The following NRCAM variants were observed in gnomAD, a reference collection of about 807,000 sequenced individuals.
NRCAM encodes neuronal cell adhesion molecule, also known as NgCAM-related cell adhesion molecule.
A neutral mutation model predicts 156.5 loss-of-function variants in NRCAM; 83 were observed. The ratio of observed to expected loss-of-function variants is 0.53; its 90% CI spans 0.44 to 0.64. NRCAM has a LOEUF of 0.64. Among genes scored for constraint, NRCAM ranks in the 30% least tolerant of loss-of-function variants. The pLI is 0.00. For missense variants in NRCAM, 1,417 were observed against 1,597.3 expected (o/e 0.89, Z 1.92); for synonymous variants, 538 against 563.9 (o/e 0.95, Z 0.65).
At chr7:108,279,349 C>T (rs1275507994) in intron 3 of NRCAM, among the ~76,000 whole-genome samples, 1 of 152,090 alleles carries the variant, frequency 6.6e-6, no homozygotes, top group African/African-American at 2.4e-5. Context: ...TTTTGTGTTT[C>T]ATAATTGTTG....
intron 3 of NRCAM, among the ~76,000 whole-genome samples, chr7:108,241,373 C>T (rs1317628268): frequency 6.6e-6 from 1 of 152,138 alleles, no homozygotes; most frequent in Non-Finnish European, 1.5e-5. Flanking sequence ...CCACAGTAAA[C>T]TCCTACCTGA....
Position 108,168,291 on chromosome 7 carries a change from T to C in NRCAM, c.3299A>G (p.Tyr1100Cys), listed in dbSNP as rs2056144374. The C allele has an allele frequency of 6.3e-7, 1 of 1,586,966 alleles. No homozygotes were observed. Among genetic ancestry groups the C allele is most frequent in the Admixed American group, 1.8e-5 (1 of 55,516 alleles). ...GPEHVNFYVE[Y>C]GVAGSKEEWR... ...TTGTTTCTTACTGCCTGCTACACCA[T>C]ATTCAACATAAAAGTTCACATGCTC... The change falls in exon 29 of 33, where the codon TAT becomes TGT. Residue 1100 changes from tyrosine (Y) to cysteine (C), a missense_variant. By Grantham distance (194) the Tyr-to-Cys change is radical (BLOSUM62 -2). Around this residue, in one of 2 missense-constraint regions of NRCAM, gnomAD observed 179 missense variants for 260.9 expected, o/e 0.69. Transcript: ENST00000379028.
At chr7:108,177,411 C>T (rs1345268948) in intron 26 of NRCAM, among the ~76,000 whole-genome samples, 1 of 152,034 alleles carries the variant, frequency 6.6e-6, no homozygotes, top group Non-Finnish European at 1.5e-5. Flanking sequence ...ATCACGAGGT[C>T]AGGAGATCAA....
At chr7:108,343,026 C>T (rs1184835869) in intron 2 of NRCAM, among the ~76,000 whole-genome samples, 6 of 152,210 alleles carry the variant, frequency 3.9e-5, no homozygotes, top group Middle Eastern at 3.2e-3. Context: ...TTCAAACCTA[C>T]GCCACTCAAG....
intron 5 of NRCAM, among the ~76,000 whole-genome samples, chr7:108,235,551 G>A (rs979297960): frequency 2.0e-5 from 3 of 152,142 alleles, no homozygotes; most frequent in African/African-American, 7.2e-5. Flanking sequence ...GACTAGGAAG[G>A]CACAAAGCAG....
chr7:108,413,434 A>C (rs1797822086), intron 1 of NRCAM, among the ~76,000 whole-genome samples: 1 of 152,114 alleles, frequency 6.6e-6, no homozygotes. Flanking sequence ...TTAACCATTT[A>C]TCAAATGTAT....
chr7:108,197,729 T>C (rs778765746), intron 14 of NRCAM, among the ~76,000 whole-genome samples: 1 of 152,192 alleles, frequency 6.6e-6, no homozygotes, highest in African/African-American at 2.4e-5. Flanking sequence ...AACAGCTTAT[T>C]TGACTAGTTC....
chr7:108,296,727 C>T (rs2154136235), intron 3 of NRCAM, among the ~76,000 whole-genome samples: 1 of 152,008 alleles, frequency 6.6e-6, no homozygotes, highest in South Asian at 2.1e-4. Flanking sequence ...AAACACAGAC[C>T]CTGTAATTAG....
intron 2 of NRCAM, among the ~76,000 whole-genome samples, chr7:108,374,097 G>C (rs771504971): frequency 2.8e-4 from 42 of 152,180 alleles, no homozygotes; most frequent in Non-Finnish European, 5.0e-4. Flanking sequence ...TAGAGAAAAG[G>C]GAAGCCTCCT....
intron 1 of NRCAM, among the ~76,000 whole-genome samples, chr7:108,453,582 C>G (rs192263251): frequency 6.6e-6 from 1 of 152,266 alleles, no homozygotes; most frequent in East Asian, 1.9e-4. Context: ...TTTTGAAACT[C>G]GAAGGATTAG....
At chr7:108,206,420 C>T (rs1341893409) in intron 13 of NRCAM, among the ~76,000 whole-genome samples, 1 of 152,168 alleles carries the variant, frequency 6.6e-6, no homozygotes, top group African/African-American at 2.4e-5. Context: ...AGCCTGAGGG[C>T]TATCTTTATT....
intron 3 of NRCAM, among the ~76,000 whole-genome samples, chr7:108,288,097 T>C (rs574266654): frequency 7.2e-5 from 11 of 152,222 alleles, no homozygotes; most frequent in African/African-American, 2.6e-4. Flanking sequence ...GCAGAATGGA[T>C]TGAACTAGAG....
In NRCAM at chr7:108,195,859, T is replaced by C; in HGVS notation, c.1365A>G (p.Arg455=). 2 of 1,607,860 alleles carry C rather than the reference T, an allele frequency of 1.2e-6. No individual in the cohort carries two copies. Among genetic ancestry groups the C allele is most frequent in the Non-Finnish European group, 1.7e-6 (2 of 1,174,512 alleles). ...AGAGTGTGTTTGCAGGTGTGAGGAT[T>C]CGTGGTGGCTCAGCTACAAATATTT... is the stretch of plus-strand genomic sequence containing the variant. ...AFVNVLAEPP[R]ILTPANTLYQ... is the part of the protein sequence containing the mutation. The change falls in exon 15 of 33, where the codon CGA becomes CGG. Residue 455 remains arginine, a synonymous_variant. Coordinates refer to ENST00000379028, the MANE Select transcript of NRCAM (RefSeq NM_001037132.4).
chr7:108,388,836 T>C (rs1173848414), intron 2 of NRCAM, among the ~76,000 whole-genome samples: 2 of 152,204 alleles, frequency 1.3e-5, no homozygotes, highest in African/African-American at 2.4e-5. Context: ...CCATTGCTTG[T>C]TTTTGTCAGG....
chr7:108,191,218 A>C, intron 19 of NRCAM, 36 bp downstream of exon 19: 2 of 1,562,722 alleles, frequency 1.3e-6, no homozygotes, highest in Non-Finnish European at 8.7e-7. Context: ...AAATTGTTTG[A>C]CAGAAAACAG....
At chr7:108,261,294 T>C (rs1167250128) in intron 3 of NRCAM, among the ~76,000 whole-genome samples, 1 of 152,182 alleles carries the variant, frequency 6.6e-6, no homozygotes, top group Non-Finnish European at 1.5e-5. Flanking sequence ...TCCACTAGAT[T>C]TTCCTGAAGC....
At chr7:108,404,782 G>A (rs1025369887) in intron 1 of NRCAM, among the ~76,000 whole-genome samples, 3 of 152,178 alleles carry the variant, frequency 2.0e-5, no homozygotes, top group Non-Finnish European at 4.4e-5. Flanking sequence ...AGCTAGTTGG[G>A]GGCAGAAAGT....
intron 3 of NRCAM, among the ~76,000 whole-genome samples, chr7:108,277,878 T>C (rs1449390503): frequency 6.6e-6 from 1 of 152,222 alleles, no homozygotes; most frequent in Non-Finnish European, 1.5e-5. Flanking sequence ...TGTGGTTTTA[T>C]CTACCTTTGG....
chr7:108,256,377 A>C (rs1363350343), intron 3 of NRCAM, among the ~76,000 whole-genome samples: 11 of 149,058 alleles, frequency 7.4e-5, no homozygotes, highest in Non-Finnish European at 1.6e-4. Flanking sequence ...GGTTAAATGG[A>C]TTAAGGGCGG....
Sources: allele counts gnomAD v4.1 joint callset (sites outside exome capture counted in the v4.1 genomes callset), GRCh38; gene constraint gnomAD v4.1.1; regional missense constraint gnomAD v4.1.1; transcripts MANE v1.5; gene names NCBI Gene and HGNC (gene_info 2026-07-23, HGNC 2026-07-21).